The following PKNOX2 variants were observed in gnomAD, a reference collection of about 807,000 sequenced individuals.
The protein encoded by PKNOX2 is PBX/knotted 1 homeobox 2, also known as homeobox protein PKNOX2.
In PKNOX2, 14 loss-of-function variants were observed where a neutral mutation model predicts 53.1. The ratio of observed to expected loss-of-function variants is 0.26; its 90% CI spans 0.17 to 0.41. The LOEUF (loss-of-function observed/expected upper bound fraction) is 0.41. Ranked by LOEUF, PKNOX2 falls within the 10% of genes least tolerant of loss-of-function variation. The pLI is 1.00. For missense variants in PKNOX2, 496 were observed against 602.8 expected (o/e 0.82, Z 1.85); for synonymous variants, 257 against 242.8 (o/e 1.06, Z -0.54).
chr11:125,243,932 A>G (rs1305818655), intron 2 of PKNOX2, among the ~76,000 whole-genome samples: 1 of 152,034 alleles, frequency 6.6e-6, no homozygotes, highest in East Asian at 1.9e-4. Flanking sequence ...TGTACCTGGG[A>G]CCCTTAAAGC....
rs914140854 is a variant in PKNOX2 at position 125,165,929 on chromosome 11, C to A, written c.-201+1153C>A. Reference sequence around the variant, plus strand: ...CTGGCTCCCGATCCCCAGGAAGAAACGAGCGAAATGGGCCGTCCTTTCCCG... The same window carrying A: ...CTGGCTCCCGATCCCCAGGAAGAAAAGAGCGAAATGGGCCGTCCTTTCCCG... On this transcript the variant is annotated intron_variant, in intron 1 of 12. Coordinates refer to ENST00000298282, the MANE Select transcript of PKNOX2 (RefSeq NM_001382323.2). This position sits in a 1 kb window ranked among gnomAD's most constrained non-coding sequence, Gnocchi z 4.5. Among the ~76,000 whole-genome samples, 1 of 152,114 alleles carries A rather than the reference C, an allele frequency of 6.6e-6. No individual in the cohort carries two copies. Among genetic ancestry groups the A allele is most frequent in the Non-Finnish European group, 1.5e-5 (1 of 68,020 alleles).
intron 2 of PKNOX2, among the ~76,000 whole-genome samples, chr11:125,329,768 C>T (rs921332070): frequency 9.9e-5 from 15 of 152,022 alleles, no homozygotes; most frequent in African/African-American, 1.9e-4. Context: ...AAGTTGTGGA[C>T]GGGTTTGGAG....
chr11:125,197,443 CTCTT>C lies in PKNOX2; in HGVS notation c.-201+32671_-201+32674del, dbSNP rs574358994. On this transcript the variant is annotated intron_variant, in intron 1 of 12. Transcript: ENST00000298282. ...CCACCCCTACCCTGAGTGGGGATCT[CTCTT>C]TCTGAACTCCCACTTGCCTGGGGAC... is the stretch of plus-strand genomic sequence containing the variant. 7.2e-5 allele frequency among the ~76,000 whole-genome samples: 11 copies of C among 152,262 alleles called. No homozygotes were observed. The South Asian group carries it at 1.9e-3, about 26-fold the overall frequency.
chr11:125,192,513 CT>C (rs1956941110), intron 1 of PKNOX2, among the ~76,000 whole-genome samples: 1 of 152,190 alleles, frequency 6.6e-6, no homozygotes, highest in South Asian at 2.1e-4. Context: ...GGAGCTAGGT[CT>C]GGGGAAGGTG....
chr11:125,393,748 A>G (rs955031002), intron 6 of PKNOX2, among the ~76,000 whole-genome samples: 2 of 152,100 alleles, frequency 1.3e-5, no homozygotes, highest in Admixed American at 6.5e-5. Context: ...GAAAAGGCAC[A>G]TTACCAGGAA....
chr11:125,174,238 C>T lies in PKNOX2; in HGVS notation c.-201+9462C>T, dbSNP rs970821890. Among the ~76,000 whole-genome samples the T allele has an allele frequency of 2.6e-5, 4 of 152,170 alleles. No individual in the cohort carries two copies. In the South Asian group the frequency reaches 6.2e-4, roughly 24 times the overall value. On this transcript the variant is annotated intron_variant, in intron 1 of 12. Coordinates refer to ENST00000298282, the MANE Select transcript of PKNOX2 (RefSeq NM_001382323.2). ...GGCGACAGGTGCTTGTTCTCATTCTCATTTCCTCCCTAAGAATCCACCTGT... is the reference window on the plus strand; with the variant it reads ...GGCGACAGGTGCTTGTTCTCATTCTTATTTCCTCCCTAAGAATCCACCTGT...
chr11:125,410,695 G>C, intron 8 of PKNOX2, 84 bp from the exon 9 acceptor site: 2 of 1,051,784 alleles, frequency 1.9e-6, no homozygotes, highest in Non-Finnish European at 2.9e-6. Context: ...TTACACATGA[G>C]TGCCAAATGA....
chr11:125,303,394 T>A (rs1358449734), intron 2 of PKNOX2, among the ~76,000 whole-genome samples: 2 of 151,932 alleles, frequency 1.3e-5, no homozygotes, highest in Non-Finnish European at 2.9e-5. Flanking sequence ...CTGGGCCCAG[T>A]CTCCAAGCTT....
At chr11:125,317,771 G>A (rs970319865) in intron 2 of PKNOX2, among the ~76,000 whole-genome samples, 4 of 152,180 alleles carry the variant, frequency 2.6e-5, no homozygotes, top group African/African-American at 7.2e-5. Flanking sequence ...AATGGTAAAT[G>A]AGCCCTGGCT....
rs1432969040 is a variant in PKNOX2, at chr11:125,198,309, C to T, written c.-201+33533C>T. Among the ~76,000 whole-genome samples, 4 of 152,166 alleles carry T rather than the reference C, an allele frequency of 2.6e-5. No individual in the cohort carries two copies. In the East Asian group the frequency reaches 7.7e-4, roughly 29 times the overall value. On this transcript the variant is annotated intron_variant, in intron 1 of 12. Transcript: ENST00000298282. The stretch of plus-strand genomic sequence containing the variant: ...AATTTTGTGTCTAGATGGGTTGCTC[C>T]CATCCGCTTTTTGGATAGAAAGGCC...
intron 6 of PKNOX2, among the ~76,000 whole-genome samples, chr11:125,394,674 C>T (rs1358853863): frequency 6.6e-6 from 1 of 152,196 alleles, no homozygotes; most frequent in Non-Finnish European, 1.5e-5. Flanking sequence ...TTTATATTGT[C>T]CAAACTCTCC....
At chr11:125,385,836 C>A in intron 6 of PKNOX2, 114 bp downstream of exon 6, 2 of 1,254,844 alleles carry the variant, frequency 1.6e-6, no homozygotes, top group South Asian at 1.5e-5. Context: ...TTTGAGTGCC[C>A]ACCATGAGTC....
intron 3 of PKNOX2, among the ~76,000 whole-genome samples, chr11:125,343,050 G>C: frequency 6.6e-6 from 1 of 151,752 alleles, no homozygotes; most frequent in Non-Finnish European, 1.5e-5. Context: ...GGGGCCACAG[G>C]CTGGGGGAGG....
At chr11:125,312,747 C>A (rs1295545103) in intron 2 of PKNOX2, among the ~76,000 whole-genome samples, 1 of 152,180 alleles carries the variant, frequency 6.6e-6, no homozygotes, top group Admixed American at 6.5e-5. Flanking sequence ...GCGGGCTCAG[C>A]AGCACCATAC....
rs1951379560 is a variant in PKNOX2, at chr11:125,352,538, G to A, written c.87+1146G>A. Among the ~76,000 whole-genome samples, 1 of 152,200 alleles carries A rather than the reference G, an allele frequency of 6.6e-6. No homozygotes were observed. The highest frequency in any genetic ancestry group is 6.5e-5 in the Admixed American group (1 of 15,280). The stretch of plus-strand genomic sequence containing the variant: ...CTTAAGATGCAGATGCCAGGCTTGT[G>A]CTCACTATGGCCCTGATGCCTCCAG... On this transcript the variant is annotated intron_variant, in intron 4 of 12. Transcript: ENST00000298282. The surrounding 1 kb of genome is among the most constrained non-coding windows in gnomAD (Gnocchi z 4.1).
chr11:125,245,398 A>G (rs538275892), intron 2 of PKNOX2, among the ~76,000 whole-genome samples: 1 of 152,368 alleles, frequency 6.6e-6, no homozygotes, highest in Non-Finnish European at 1.5e-5. Flanking sequence ...CAAGCAACAC[A>G]TTCATGTTTC....
intron 5 of PKNOX2, among the ~76,000 whole-genome samples, chr11:125,383,939 C>CAAA (rs562802937): frequency 6.6e-6 from 1 of 151,268 alleles, no homozygotes. Context: ...CATCAAAAAA[C>CAAA]AAAAAAAACA....
At chr11:125,368,062 G>A in intron 5 of PKNOX2, 77 bp downstream of exon 5, 1 of 1,523,830 alleles carries the variant, frequency 6.6e-7, no homozygotes, top group Non-Finnish European at 8.8e-7. Flanking sequence ...TGAGAATGCA[G>A]GCCAAAGGGT....
At chr11:125,310,693 T>C (rs1309069618) in intron 2 of PKNOX2, among the ~76,000 whole-genome samples, 3 of 152,124 alleles carry the variant, frequency 2.0e-5, no homozygotes, top group Non-Finnish European at 4.4e-5. Context: ...CAGCTAACAG[T>C]GGTTTTGCAA....
Sources: allele counts gnomAD v4.1 joint callset (sites outside exome capture counted in the v4.1 genomes callset), GRCh38; gene constraint gnomAD v4.1.1; non-coding constraint Gnocchi (gnomAD v3.1); transcripts MANE v1.5; gene names NCBI Gene and HGNC (gene_info 2026-07-23, HGNC 2026-07-21).